FER1L6: variants seen among roughly 807,000 people sequenced by gnomAD.
FER1L6 encodes fer-1 like family member 6, also known as fer-1-like protein 6.
FER1L6 carries 177 observed loss-of-function variants against 219.2 expected under a neutral mutation model. The ratio of observed to expected loss-of-function variants is 0.81; its 90% confidence interval spans 0.71 to 0.91. FER1L6 has a LOEUF of 0.91. Ranked by LOEUF, FER1L6 falls within the 40% of genes least tolerant of loss-of-function variation. The probability of loss-of-function intolerance (pLI) is 0.00; values close to 1 mark genes in which losing one functional copy is unlikely to be tolerated. For missense variants in FER1L6, 2,153 were observed against 2,259.9 expected, an observed-to-expected ratio of 0.95 and a Z score of 0.96; for synonymous variants, 768 against 824.3, an observed-to-expected ratio of 0.93 and a Z score of 1.17.
intron 39 of FER1L6, among the ~76,000 whole-genome samples, chr8:124,117,142 T>C (rs1823281894): frequency 6.6e-6 from 1 of 152,242 alleles, no homozygotes; most frequent in African/African-American, 2.4e-5. Context: ...TGAGCTTTGG[T>C]ATCATACAGA....
chr8:124,076,340 G>A lies in FER1L6; in HGVS notation c.4220+15G>A, dbSNP rs189982053. 6,494 of 1,611,454 alleles carry A rather than the reference G, an allele frequency of 4.0e-3. 24 individuals are homozygous for A. The highest frequency in any genetic ancestry group is 4.7e-3 in the Non-Finnish European group (5,510 of 1,178,056). On this transcript the variant is annotated intron_variant, in intron 32 of 40. Coordinates refer to ENST00000522917, the MANE Select transcript of FER1L6 (RefSeq NM_001039112.2). ...GTATTTGGAAGGTCAGTGGCCATCT[G>A]GGCTGTGTTTTATTGTCCTTTCTGC...
chr8:123,871,413 A>C (rs1049742645), intron 1 of FER1L6, among the ~76,000 whole-genome samples: 2 of 152,144 alleles, frequency 1.3e-5, no homozygotes, highest in Non-Finnish European at 2.9e-5. Context: ...AGAGGAACCC[A>C]GAGTACTTTG....
intron 1 of FER1L6, among the ~76,000 whole-genome samples, chr8:123,940,491 C>T (rs188436226): frequency 6.1e-4 from 93 of 152,256 alleles, no homozygotes; most frequent in African/African-American, 2.0e-3. Flanking sequence ...GCACGTGCCA[C>T]CAAGCCTGGC....
chr8:123,898,025 A>G (rs1812775007), intron 1 of FER1L6, among the ~76,000 whole-genome samples: 1 of 152,186 alleles, frequency 6.6e-6, no homozygotes, highest in Non-Finnish European at 1.5e-5. Context: ...GTGGTGAGGC[A>G]TATTTTGTGC....
At chr8:123,877,523 G>A (rs1006118749) in intron 1 of FER1L6, among the ~76,000 whole-genome samples, 4 of 152,104 alleles carry the variant, frequency 2.6e-5, no homozygotes, top group Non-Finnish European at 4.4e-5. Context: ...TGGGGGACAT[G>A]GCCAAACACC....
intron 1 of FER1L6, 83 bp from the exon 2 acceptor site, chr8:123,955,909 C>T (rs1360990479): frequency 1.8e-5 from 23 of 1,286,634 alleles, no homozygotes; most frequent in Admixed American, 1.6e-4. Flanking sequence ...TCATGAAGCT[C>T]GGTGTGTTTT....
intron 1 of FER1L6, among the ~76,000 whole-genome samples, chr8:123,943,974 T>C (rs746290937): frequency 8.5e-5 from 13 of 152,112 alleles, no homozygotes; most frequent in Non-Finnish European, 1.6e-4. Context: ...CTGTGATTGA[T>C]ATCTAGGAGG....
rs1820604546 is a variant in FER1L6, at chr8:124,061,954, T to C, written c.3250T>C (p.Tyr1084His). The C allele has an allele frequency of 1.2e-6, 2 of 1,614,062 alleles. No homozygotes were observed. The highest frequency in any genetic ancestry group is 2.7e-5 in the African/African-American group (2 of 74,936). ...CCTTGTGGGCACCTACACCATCAAC[T>C]ACTTGAAGCAGTTTTTGTGTAAACT... is the stretch of plus-strand genomic sequence containing the variant. ...STLVGTYTIN[Y>H]LKQFLCKLRE... Residue 1084 changes from tyrosine (Y) to histidine (H), a missense_variant, in exon 25 of 41, where the codon TAC becomes CAC. Physicochemically the swap from Tyr to His is moderately conservative, Grantham distance 83. Coordinates refer to ENST00000522917, the MANE Select transcript of FER1L6 (RefSeq NM_001039112.2).
At chr8:124,064,783 C>T (rs1400611844) in intron 26 of FER1L6, among the ~76,000 whole-genome samples, 1 of 152,218 alleles carries the variant, frequency 6.6e-6, no homozygotes, top group African/African-American at 2.4e-5. Flanking sequence ...AATTAAAGTG[C>T]TGGTCAAATG....
rs549274597 is a variant in FER1L6 at position 124,111,912 on chromosome 8, C to A, written c.5290-6932C>A. ...CCAGTAGGTCTCAGCTCCATTGTACCCAGCTCCTATTCAAGATGGAGTTGC... is the reference window on the plus strand; with the variant it reads ...CCAGTAGGTCTCAGCTCCATTGTACACAGCTCCTATTCAAGATGGAGTTGC... On this transcript the variant is annotated intron_variant, in intron 39 of 40. Coordinates refer to ENST00000522917, the MANE Select transcript of FER1L6 (RefSeq NM_001039112.2). This position sits in a 1 kb window ranked among gnomAD's most constrained non-coding sequence, Gnocchi z 5.0. Among the ~76,000 whole-genome samples, 2 of 152,208 alleles carry A rather than the reference C, an allele frequency of 1.3e-5. No individual in the cohort carries two copies. The highest frequency in any genetic ancestry group is 2.1e-4 in the South Asian group (1 of 4,824).
At position 123,852,977 on chromosome 8, in the gene FER1L6, C is replaced by G. The variant is rs76028112; in HGVS notation, c.-8+792C>G. Among the ~76,000 whole-genome samples the G allele has an allele frequency of 6.6e-6, 1 of 151,992 alleles. No individual in the cohort carries two copies. The highest frequency in any genetic ancestry group is 6.6e-5 in the Admixed American group (1 of 15,256). On this transcript the variant is annotated intron_variant, in intron 1 of 40. Coordinates refer to ENST00000522917, the MANE Select transcript of FER1L6 (RefSeq NM_001039112.2). This position sits in a 1 kb window ranked among gnomAD's most constrained non-coding sequence, Gnocchi z 4.9. ...AATATGTATTAGATATAGATGTATTCTATGTGTCTATTTAGCTACCTATCA... is the reference window on the plus strand; with the variant it reads ...AATATGTATTAGATATAGATGTATTGTATGTGTCTATTTAGCTACCTATCA...
intron 39 of FER1L6, among the ~76,000 whole-genome samples, chr8:124,112,658 C>T (rs1316907661): frequency 1.3e-5 from 2 of 152,164 alleles, no homozygotes; most frequent in African/African-American, 4.8e-5. Flanking sequence ...AGGGAGGTTT[C>T]TATGCTTCCA....
At chr8:123,963,635 A>G (rs1663127917) in intron 3 of FER1L6, among the ~76,000 whole-genome samples, 1 of 152,218 alleles carries the variant, frequency 6.6e-6, no homozygotes, top group African/African-American at 2.4e-5. Flanking sequence ...TCTGGTCTTA[A>G]ATCTCCTGAG....
At chr8:123,884,737 T>C (rs1482721139) in intron 1 of FER1L6, among the ~76,000 whole-genome samples, 1 of 151,310 alleles carries the variant, frequency 6.6e-6, no homozygotes, top group Non-Finnish European at 1.5e-5. Context: ...TGGCTGACCC[T>C]GCAGTGAGGC....
chr8:123,964,448 C>A (rs1211617860), intron 3 of FER1L6, among the ~76,000 whole-genome samples: 2 of 152,030 alleles, frequency 1.3e-5, no homozygotes, highest in African/African-American at 2.4e-5. Context: ...GGTTAGAGGG[C>A]AGTGGGAATT....
intron 1 of FER1L6, among the ~76,000 whole-genome samples, chr8:123,871,452 A>G (rs1278643376): frequency 6.6e-6 from 1 of 152,044 alleles, no homozygotes; most frequent in Non-Finnish European, 1.5e-5. Flanking sequence ...GCTAAACACC[A>G]ACCCCCTGCC....
chr8:124,021,639 T>C lies in FER1L6; in HGVS notation c.2103T>C (p.Phe701=), dbSNP rs1345124983. The change falls in exon 17 of 41, where the codon TTT becomes TTC. Residue 701 remains phenylalanine, a synonymous_variant. Transcript: ENST00000522917. ...VDEMIHEAQN[F]VEKIRFLVDE... ...AAATGATTCACGAAGCCCAAAACTTTGTGGAAAAAATCCGCTTTCTTGTTG... is the reference window on the plus strand; with the variant it reads ...AAATGATTCACGAAGCCCAAAACTTCGTGGAAAAAATCCGCTTTCTTGTTG... The C allele has an allele frequency of 1.9e-6, 3 of 1,614,148 alleles. No individual in the cohort carries two copies. Among genetic ancestry groups the C allele is most frequent in the East Asian group, 2.2e-5 (1 of 44,884 alleles).
chr8:124,115,366 G>A (rs759487623), intron 39 of FER1L6, among the ~76,000 whole-genome samples: 68 of 151,964 alleles, frequency 4.5e-4, no homozygotes, highest in Non-Finnish European at 9.1e-4. Context: ...GGCATTTATC[G>A]AAGCTGTCAG....
In FER1L6 at chr8:123,852,471, C is replaced by CGT. The variant is rs61303449; in HGVS notation, c.-8+327_-8+328dup. Reference sequence around the variant, plus strand: ...GCTTGAACTCCATGTTGTGAGCATGCGTGTGTGTGTGTGTGTGTGTGTGTG... The same window carrying CGT: ...GCTTGAACTCCATGTTGTGAGCATGCGTGTGTGTGTGTGTGTGTGTGTGTGTG... On this transcript the variant is annotated intron_variant, in intron 1 of 40. Transcript: ENST00000522917. This position sits in a 1 kb window ranked among gnomAD's most constrained non-coding sequence, Gnocchi z 4.9. Among the ~76,000 whole-genome samples the CGT allele has an allele frequency of 0.043, 6,089 of 139,982 alleles. 129 individuals are homozygous for CGT. Among genetic ancestry groups the CGT allele is most frequent in the Admixed American group, 0.072 (1,004 of 13,858 alleles). The allele number at this position is 139,982 out of a possible 152,430, so 91.8% of individuals were successfully genotyped here. A position where few individuals can be genotyped will look rare whatever the true frequency, so the allele number is the denominator to read the frequency against.
Sources: gnomAD v4.1 joint callset for allele counts (sites outside exome capture counted in the v4.1 genomes callset) on GRCh38, gnomAD v4.1.1 for gene constraint, Gnocchi (gnomAD v3.1) non-coding constraint, MANE v1.5 for transcripts, NCBI Gene and HGNC (gene_info 2026-07-23, HGNC 2026-07-21) for gene names.